The following CAST variants were observed in gnomAD, a reference collection of about 807,000 sequenced individuals.
CAST encodes the protein MIR583 host.
Under a neutral mutation model 119.6 loss-of-function variants are expected in CAST, and 76 were observed. The ratio of observed to expected loss-of-function variants is 0.64; its 90% CI spans 0.53 to 0.77. The LOEUF (loss-of-function observed/expected upper bound fraction) is 0.77, where lower values mean the gene tolerates loss of function less well. Ranked by LOEUF, CAST falls within the 30% of genes least tolerant of loss-of-function variation. The pLI is 0.00. For missense variants in CAST, 953 were observed against 946.5 expected, an observed-to-expected ratio of 1.01 and a Z score of -0.09; for synonymous variants, 319 against 331.6, an observed-to-expected ratio of 0.96 and a Z score of 0.41.
the CAST span, chr5:96,415,954 G>T: frequency 1.1e-6 from 1 of 895,794 alleles, no homozygotes; most frequent in East Asian, 2.4e-5. Flanking sequence ...AAAAAGAAAA[G>T]CTCCCCTCCC....
intron 1 of CAST, among the ~76,000 whole-genome samples, chr5:96,571,394 A>C (rs1746563079): frequency 6.6e-6 from 1 of 152,222 alleles, no homozygotes; most frequent in South Asian, 2.1e-4. Context: ...TTCTCTGGGC[A>C]TCCTTTGTTA....
At chr5:96,443,987 A>G in the CAST span, among the ~76,000 whole-genome samples, 4 of 152,230 alleles carry the variant, frequency 2.6e-5, no homozygotes, top group African/African-American at 9.6e-5. Flanking sequence ...CTAATAACAC[A>G]TAGAACCTCA....
At chr5:96,403,794 A>C in the CAST span, among the ~76,000 whole-genome samples, 1 of 152,160 alleles carries the variant, frequency 6.6e-6, no homozygotes, top group African/African-American at 2.4e-5. Flanking sequence ...TCTAACTTGG[A>C]CTTTCTAACA....
At chr5:96,345,943 T>G in the CAST span, among the ~76,000 whole-genome samples, 1 of 152,212 alleles carries the variant, frequency 6.6e-6, no homozygotes. Context: ...TTTACTGTAT[T>G]CTATTTATTG....
At chr5:96,366,058 A>C in the CAST span, among the ~76,000 whole-genome samples, 1 of 152,284 alleles carries the variant, frequency 6.6e-6, no homozygotes, top group East Asian at 1.9e-4. Context: ...GCTTGTCTGC[A>C]AAGTATTTTA....
At chr5:96,404,033 A>T in the CAST span, among the ~76,000 whole-genome samples, 1 of 152,222 alleles carries the variant, frequency 6.6e-6, no homozygotes, top group Non-Finnish European at 1.5e-5. Flanking sequence ...CAGAAGGCTG[A>T]GGCTATTTTC....
intron 7 of CAST, 63 bp downstream of exon 7, chr5:96,729,272 TC>T: frequency 1.1e-6 from 1 of 926,214 alleles, no homozygotes; most frequent in Non-Finnish European, 1.7e-6. Context: ...ATAATTAAAA[TC>T]TTTCATTAAT....
At chr5:96,125,837 C>T in the CAST span, among the ~76,000 whole-genome samples, 1 of 152,124 alleles carries the variant, frequency 6.6e-6, no homozygotes, top group East Asian at 1.9e-4. Context: ...CCCTTTCTTC[C>T]TTTCCAAACC....
chr5:96,065,614 C>G, the CAST span, among the ~76,000 whole-genome samples: 1 of 152,050 alleles, frequency 6.6e-6, no homozygotes, highest in South Asian at 2.1e-4. Context: ...AGTTGTAAAG[C>G]ACTGTGCAAC....
At chr5:96,061,277 T>C in the CAST span, among the ~76,000 whole-genome samples, 2 of 152,066 alleles carry the variant, frequency 1.3e-5, no homozygotes, top group Non-Finnish European at 2.9e-5. Context: ...GAGCACTAGA[T>C]AGTGGGATAC....
chr5:96,556,239 A>G (rs1363938135), intron 1 of CAST, among the ~76,000 whole-genome samples: 1 of 152,248 alleles, frequency 6.6e-6, no homozygotes, highest in Non-Finnish European at 1.5e-5. Flanking sequence ...CCAAAGGTAG[A>G]TAAGACCACA....
Position 96,774,679 on chromosome 5 carries a change from T to TAA in CAST, c.*2066_*2067dup, listed in dbSNP as rs1484332003. On this transcript the variant is annotated 3_prime_UTR_variant, in exon 32 of 32. Transcript: ENST00000675179. The stretch of plus-strand genomic sequence containing the variant: ...ACAATTAAAGCAAAATATTTTACAT[T>TAA]AAAATCTTGGTTGTGTATTTTTTTA... 1 of 982,546 alleles carries TAA rather than the reference T, an allele frequency of 1.0e-6. No homozygotes were observed. The highest frequency in any genetic ancestry group is 1.1e-4 in the East Asian group (1 of 8,954). The allele number at this position is 982,546 out of a possible 1,614,324, so 60.9% of individuals were successfully genotyped here. A position where few individuals can be genotyped will look rare whatever the true frequency, so the allele number is the denominator to read the frequency against.
At chr5:96,720,057 GC>G (rs1434364032) in intron 3 of CAST, among the ~76,000 whole-genome samples, 1 of 152,130 alleles carries the variant, frequency 6.6e-6, no homozygotes. Context: ...CTTTGACTAG[GC>G]TATAGCTTTC....
chr5:96,190,119 T>A, the CAST span, among the ~76,000 whole-genome samples: 3 of 152,170 alleles, frequency 2.0e-5, no homozygotes, highest in African/African-American at 7.2e-5. Context: ...ATTCTTTGTA[T>A]GCAGGAAGGG....
chr5:96,703,038 G>C (rs1754184698), intron 3 of CAST: 1 of 707,130 alleles, frequency 1.4e-6, no homozygotes, highest in Non-Finnish European at 1.7e-6. Flanking sequence ...CCCCAGGCTC[G>C]GGACGTGCGC....
chr5:96,704,868 T>G (rs191445426), intron 3 of CAST, among the ~76,000 whole-genome samples: 112 of 152,334 alleles, frequency 7.4e-4, no homozygotes, highest in African/African-American at 2.6e-3. Context: ...CATCTTAATG[T>G]TTCTCAAAAG....
the CAST span, among the ~76,000 whole-genome samples, chr5:96,279,414 C>T: frequency 1.5e-4 from 23 of 152,298 alleles, no homozygotes; most frequent in East Asian, 3.7e-3. Context: ...AGGAATCCCC[C>T]TGCCAATTTT....
the CAST span, among the ~76,000 whole-genome samples, chr5:96,233,889 ATAATCT>A: frequency 6.6e-6 from 1 of 152,308 alleles, no homozygotes; most frequent in Non-Finnish European, 1.5e-5. Flanking sequence ...TAAAATTTTA[ATAATCT>A]TAATTTTTTT....
At chr5:96,057,206 A>T in the CAST span, among the ~76,000 whole-genome samples, 1 of 152,348 alleles carries the variant, frequency 6.6e-6, no homozygotes, top group Non-Finnish European at 1.5e-5. Context: ...AGAGTAGGTT[A>T]CAATTCACAG....
Sources: gnomAD v4.1 joint callset for allele counts (sites outside exome capture counted in the v4.1 genomes callset) on GRCh38, gnomAD v4.1.1 for gene constraint, MANE v1.5 for transcripts, NCBI Gene and HGNC (gene_info 2026-07-23, HGNC 2026-07-21) for gene names.